HMGN5: variants seen among roughly 807,000 people sequenced by gnomAD.
HMGN5 encodes the protein high mobility group nucleosome binding domain 5, also known as high mobility group nucleosome-binding domain-containing protein 5.
In HMGN5, 4 loss-of-function variants were observed where a neutral mutation model predicts 9.5. The ratio of observed to expected loss-of-function variants is 0.42; its 90% CI spans 0.21 to 0.96. The LOEUF (loss-of-function observed/expected upper bound fraction) is 0.96, where lower values mean the gene tolerates loss of function less well. Among genes scored for constraint, HMGN5 ranks in the 40% least tolerant of loss-of-function variants. HMGN5 has a pLI of 0.30. For missense variants in HMGN5, 192 were observed against 187.5 expected (o/e 1.02, Z -0.14); for synonymous variants, 55 against 57.1 (o/e 0.96, Z 0.16).
intron 1 of HMGN5, among the ~76,000 whole-genome samples, chrX:81,135,305 G>A (rs777952163): frequency 9.0e-6 from 1 of 111,122 alleles, no homozygotes; most frequent in African/African-American, 3.3e-5. Flanking sequence ...TTATAAATGG[G>A]GAAAGGATTT....
At chrX:81,192,898 G>A (rs1236557739) in intron 1 of HMGN5, among the ~76,000 whole-genome samples, 2 of 110,034 alleles carry the variant, frequency 1.8e-5, no homozygotes, top group African/African-American at 6.6e-5. Context: ...CTCCTTTGAT[G>A]GTAATACCTC....
intron 1 of HMGN5, among the ~76,000 whole-genome samples, chrX:81,154,833 A>G (rs962454879): frequency 6.4e-5 from 7 of 109,795 alleles, no homozygotes; most frequent in Non-Finnish European, 1.3e-4. Flanking sequence ...ATTTCACCTC[A>G]GTTAAAATGG....
At chrX:81,176,878 A>G (rs910920774) in intron 1 of HMGN5, among the ~76,000 whole-genome samples, 1 of 111,583 alleles carries the variant, frequency 9.0e-6, no homozygotes, top group African/African-American at 3.3e-5. Context: ...GTCCAGGAGA[A>G]CTTCCCCAAC....
At chrX:81,116,425 G>A (rs41300167) in intron 5 of HMGN5, 84 bp from the exon 6 acceptor site, 9,239 of 651,898 alleles carry the variant, frequency 0.014, 56 homozygotes, top group Non-Finnish European at 0.018. Flanking sequence ...TTTACCAGCT[G>A]TTGTAATAAT....
At chrX:81,201,357 A>G (rs187756711) in intron 1 of HMGN5, among the ~76,000 whole-genome samples, 1 of 111,106 alleles carries the variant, frequency 9.0e-6, no homozygotes, top group Non-Finnish European at 1.9e-5. Flanking sequence ...TCACCATTTC[A>G]ACATCTGCAA....
intron 1 of HMGN5, among the ~76,000 whole-genome samples, chrX:81,172,378 T>G (rs2075428531): frequency 9.0e-6 from 1 of 110,502 alleles, no homozygotes; most frequent in Admixed American, 9.7e-5. Context: ...AATAACTGGG[T>G]GGTTATGTGG....
At chrX:81,157,262 G>A (rs1263774693) in intron 1 of HMGN5, among the ~76,000 whole-genome samples, 1 of 111,844 alleles carries the variant, frequency 8.9e-6, no homozygotes, top group African/African-American at 3.3e-5. Context: ...TTGCCAGTGG[G>A]CCTGGCACAC....
At chrX:81,195,178 T>C (rs758485109) in intron 1 of HMGN5, 1 of 112,116 alleles carries the variant, frequency 8.9e-6, no homozygotes, top group Non-Finnish European at 1.9e-5. Context: ...AGAAAGCCAG[T>C]CCAAGTTCCA....
At chrX:81,194,625 A>G (rs1767117063) in intron 1 of HMGN5, among the ~76,000 whole-genome samples, 1 of 112,003 alleles carries the variant, frequency 8.9e-6, no homozygotes, top group Non-Finnish European at 1.9e-5. Flanking sequence ...ACTTTATACA[A>G]TGCTAGTCAT....
intron 1 of HMGN5, among the ~76,000 whole-genome samples, chrX:81,160,824 G>T (rs1163470530): frequency 9.0e-6 from 1 of 111,535 alleles, no homozygotes; most frequent in African/African-American, 3.3e-5. Context: ...TAGTGCTTGT[G>T]TGCAGACTTT....
intron 1 of HMGN5, among the ~76,000 whole-genome samples, chrX:81,143,582 C>G: frequency 8.9e-6 from 1 of 112,177 alleles, no homozygotes. Context: ...GGGGATTTCC[C>G]TTTCCTAGCC....
intron 1 of HMGN5, among the ~76,000 whole-genome samples, chrX:81,133,777 G>A (rs779013588): frequency 9.0e-6 from 1 of 110,974 alleles, no homozygotes; most frequent in Non-Finnish European, 1.9e-5. Context: ...TAATACCCGT[G>A]TGATAAAATA....
chrX:81,191,174 T>C (rs2075493181), intron 1 of HMGN5, among the ~76,000 whole-genome samples: 2 of 112,378 alleles, frequency 1.8e-5, no homozygotes, highest in Admixed American at 9.4e-5. Context: ...AATAGTTTAT[T>C]AGATTTTCTT....
chrX:81,115,042 T>C lies in HMGN5; in HGVS notation c.456A>G (p.Lys152=). 1 of 1,156,308 alleles carries C rather than the reference T, an allele frequency of 8.6e-7. No individual in the cohort carries two copies. Among genetic ancestry groups the C allele is most frequent in the Admixed American group, 2.7e-5 (1 of 37,472 alleles). ...GEAGKEDKDE[K]GEEDGKEDKN... is the part of the protein sequence containing the mutation. ...TATCCTCTTTTCCATCTTCTTCCCC[T>C]TTTTCATCTTTGTCTTCTTTTCCAG... The change falls in exon 7 of 7, where the codon AAA becomes AAG. Residue 152 remains lysine (K), a synonymous_variant. Coordinates refer to ENST00000358130, the MANE Select transcript of HMGN5 (RefSeq NM_030763.3).
chrX:81,162,971 C>T (rs2075401711), intron 1 of HMGN5, among the ~76,000 whole-genome samples: 1 of 111,542 alleles, frequency 9.0e-6, no homozygotes, highest in Admixed American at 9.6e-5. Flanking sequence ...TTTCTTCCAT[C>T]AAGAAATGGG....
chrX:81,118,879 G>T, intron 3 of HMGN5, 120 bp from the exon 4 acceptor site: 1 of 465,324 alleles, frequency 2.1e-6, no homozygotes, highest in South Asian at 4.4e-5. Context: ...AAGTAATTGT[G>T]AATTTGGTTA....
intron 1 of HMGN5, among the ~76,000 whole-genome samples, chrX:81,155,387 C>T (rs1051737775): frequency 1.9e-5 from 2 of 107,878 alleles, no homozygotes; most frequent in Non-Finnish European, 3.8e-5. Context: ...ATGGCACAGC[C>T]ACTCAGCAAT....
At chrX:81,157,896 C>T (rs896983476) in intron 1 of HMGN5, among the ~76,000 whole-genome samples, 2 of 110,218 alleles carry the variant, frequency 1.8e-5, no homozygotes, top group South Asian at 7.8e-4. Flanking sequence ...TCTCCTGCCT[C>T]AGCCTCCCAA....
At chrX:81,141,698 T>C (rs1218982217) in intron 1 of HMGN5, among the ~76,000 whole-genome samples, 1 of 111,375 alleles carries the variant, frequency 9.0e-6, no homozygotes. Context: ...CCAAGTACTT[T>C]TGAATATCTG....
Sources: allele counts gnomAD v4.1 joint callset (sites outside exome capture counted in the v4.1 genomes callset), GRCh38; gene constraint gnomAD v4.1.1; transcripts MANE v1.5; gene names NCBI Gene and HGNC (gene_info 2026-07-23, HGNC 2026-07-21).